Variants in DENND2C observed in about 807,000 individuals in gnomAD.
DENND2C encodes the protein DENN domain containing 2C, also known as DENN domain-containing protein 2C.
In DENND2C, 72 loss-of-function variants were observed where a neutral mutation model predicts 112.4. The ratio of observed to expected loss-of-function variants is 0.64; its 90% CI spans 0.53 to 0.78. The LOEUF is 0.78. Ranked by LOEUF, DENND2C falls within the 30% of genes least tolerant of loss-of-function variation. The pLI is 0.00. For synonymous variants in DENND2C, 329 were observed against 381.6 expected, an observed-to-expected ratio of 0.86 and a Z score of 1.61; for missense variants, 992 against 1,113.8, an observed-to-expected ratio of 0.89 and a Z score of 1.56.
At position 114,621,879 on chromosome 1, in the gene DENND2C, G is replaced by A. The variant is rs1182932851; in HGVS notation, c.1227+16C>T. On this transcript the variant is annotated intron_variant, in intron 7 of 20. Transcript: ENST00000393274. Reference sequence around the variant, plus strand: ...CTGAAGTAAGAGTCAAAGAATGAAAGCACTGGAGTCTTTACCCTTGGAAGA... The same window carrying A: ...CTGAAGTAAGAGTCAAAGAATGAAAACACTGGAGTCTTTACCCTTGGAAGA... The A allele has an allele frequency of 3.6e-5, 56 of 1,550,338 alleles. No individual in the cohort carries two copies. In the East Asian group the frequency reaches 1.3e-3, roughly 37 times the overall value.
chr1:114,612,520 A>ATT (rs1158221276), intron 8 of DENND2C, among the ~76,000 whole-genome samples: 18 of 125,762 alleles, frequency 1.4e-4, no homozygotes, highest in South Asian at 5.2e-4. Context: ...CACCCAGCTA[A>ATT]TTTTTTTTTT....
At chr1:114,616,903 G>A (rs1037482711) in intron 8 of DENND2C, among the ~76,000 whole-genome samples, 6 of 152,016 alleles carry the variant, frequency 3.9e-5, no homozygotes, top group Non-Finnish European at 7.4e-5. Flanking sequence ...GGCTGAATTC[G>A]ACTTACAGTT....
intron 11 of DENND2C, among the ~76,000 whole-genome samples, chr1:114,604,169 A>G (rs996148051): frequency 5.3e-5 from 8 of 152,222 alleles, no homozygotes; most frequent in South Asian, 2.1e-4. Context: ...TATGAGAGAT[A>G]GTAGCTTAGT....
chr1:114,618,616 T>A lies in DENND2C; in HGVS notation c.1228-134A>T, dbSNP rs186376887. ...AAATAGAAACCTTTACCTTTTTGAA[T>A]TTTGGATTTAAAATGATGATCTTTA... On this transcript the variant is annotated intron_variant, in intron 7 of 20. Transcript: ENST00000393274. 377 of 474,928 alleles carry A rather than the reference T, an allele frequency of 7.9e-4. 2 individuals carry two copies. The highest frequency in any genetic ancestry group is 6.8e-3 in the African/African-American group (338 of 49,992). 29.4% of individuals were successfully genotyped at this position (474,928 alleles called of 1,614,324 possible). A position where few individuals can be genotyped will look rare whatever the true frequency, so the allele number is the denominator to read the frequency against.
At chr1:114,623,165 CA>C (rs1656214306) in intron 5 of DENND2C, 66 bp from the exon 6 acceptor site, 1 of 1,441,826 alleles carries the variant, frequency 6.9e-7, no homozygotes, top group African/African-American at 1.4e-5. Flanking sequence ...CCACAGCTGG[CA>C]AAAGAAAGAA....
intron 1 of DENND2C, 60 bp downstream of exon 1, chr1:114,669,922 GC>G (rs1657748564): frequency 6.6e-6 from 1 of 152,570 alleles, no homozygotes; most frequent in Non-Finnish European, 1.5e-5. Flanking sequence ...GATGCCGACA[GC>G]CCCGAGAGTC....
At chr1:114,657,724 T>C (rs1272287960) in intron 1 of DENND2C, among the ~76,000 whole-genome samples, 1 of 152,168 alleles carries the variant, frequency 6.6e-6, no homozygotes, top group Non-Finnish European at 1.5e-5. Flanking sequence ...CTGTAGACAA[T>C]CCATTCAAGG....
At chr1:114,587,165 G>A (rs933437580) in intron 20 of DENND2C, 32 of 523,372 alleles carry the variant, frequency 6.1e-5, no homozygotes, top group Non-Finnish European at 7.9e-5. Flanking sequence ...GCCTCCCAAA[G>A]TGCTGGGATT....
intron 19 of DENND2C, 105 bp from the exon 20 acceptor site, chr1:114,587,578 A>T (rs113879256): frequency 6.9e-7 from 1 of 1,439,018 alleles, no homozygotes; most frequent in Non-Finnish European, 9.6e-7. Flanking sequence ...GGCTAAAACA[A>T]TATTACAAAA....
At chr1:114,587,140 G>A in intron 20 of DENND2C, 2 of 450,570 alleles carry the variant, frequency 4.4e-6, no homozygotes, top group Non-Finnish European at 8.1e-6. Flanking sequence ...AACCTCAGGT[G>A]ATCAACCTGC....
In DENND2C at chr1:114,602,021, T is replaced by C. The variant is rs530097473; in HGVS notation, c.1737+104A>G. 1.6e-4 allele frequency: 173 copies of C among 1,110,596 alleles called. No individual in the cohort carries two copies. The African/African-American group carries it at 2.3e-3, about 15-fold the overall frequency. 68.8% of individuals were successfully genotyped at this position (1,110,596 alleles called of 1,614,324 possible). A position where few individuals can be genotyped will look rare whatever the true frequency, so the allele number is the denominator to read the frequency against. ...TACAGCTTCCTTAATACACAGATCATTGAGCATCCCTCAAACTCATCTAGA... is the reference window on the plus strand; with the variant it reads ...TACAGCTTCCTTAATACACAGATCACTGAGCATCCCTCAAACTCATCTAGA... On this transcript the variant is annotated intron_variant, in intron 12 of 20. Coordinates refer to ENST00000393274, the MANE Select transcript of DENND2C (RefSeq NM_001256404.2).
chr1:114,637,684 T>A (rs575263315), intron 3 of DENND2C, among the ~76,000 whole-genome samples: 58 of 150,902 alleles, frequency 3.8e-4, no homozygotes, highest in Non-Finnish European at 7.0e-4. Context: ...AATTTTTATA[T>A]CTTTAGAAGA....
At chr1:114,651,584 C>G (rs1251633020) in intron 2 of DENND2C, among the ~76,000 whole-genome samples, 1 of 151,788 alleles carries the variant, frequency 6.6e-6, no homozygotes, top group Non-Finnish European at 1.5e-5. Context: ...ACTAAAAATA[C>G]AAAAATTAGC....
intron 3 of DENND2C, among the ~76,000 whole-genome samples, chr1:114,641,922 G>T (rs1453935349): frequency 6.6e-6 from 1 of 151,666 alleles, no homozygotes; most frequent in Non-Finnish European, 1.5e-5. Flanking sequence ...CTAGTTTCCG[G>T]TATATATCAT....
At chr1:114,651,114 TCAAAA>T (rs1292716496) in intron 2 of DENND2C, among the ~76,000 whole-genome samples, 1 of 148,244 alleles carries the variant, frequency 6.7e-6, no homozygotes. Context: ...AGACTCCATC[TCAAAA>T]CAAAACAAAA....
intron 7 of DENND2C, among the ~76,000 whole-genome samples, chr1:114,619,317 A>G (rs1656093518): frequency 1.3e-5 from 2 of 151,782 alleles, no homozygotes; most frequent in Middle Eastern, 3.4e-3. Flanking sequence ...TTTTCTTAAA[A>G]TTCCAAGCTT....
intron 3 of DENND2C, among the ~76,000 whole-genome samples, chr1:114,644,357 C>G (rs1432835294): frequency 6.6e-6 from 1 of 152,120 alleles, no homozygotes; most frequent in African/African-American, 2.4e-5. Flanking sequence ...AGCTTTTTTA[C>G]TACTGTATCC....
chr1:114,638,983 A>G (rs1656739009), intron 3 of DENND2C, among the ~76,000 whole-genome samples: 1 of 152,120 alleles, frequency 6.6e-6, no homozygotes, highest in African/African-American at 2.4e-5. Flanking sequence ...AAATTATTAC[A>G]CCTAAAAAGT....
intron 18 of DENND2C, among the ~76,000 whole-genome samples, chr1:114,589,657 C>G (rs1439103006): frequency 6.6e-6 from 1 of 151,942 alleles, no homozygotes; most frequent in African/African-American, 2.4e-5. Flanking sequence ...CACACCCAGC[C>G]CCAACACTGC....
Sources: allele counts gnomAD v4.1 joint callset (sites outside exome capture counted in the v4.1 genomes callset), GRCh38; gene constraint gnomAD v4.1.1; transcripts MANE v1.5; gene names NCBI Gene and HGNC (gene_info 2026-07-23, HGNC 2026-07-21).